HELZ: variants seen among roughly 807,000 people sequenced by gnomAD.
HELZ encodes ATP-dependent RNA helicase with zinc finger domain.
In HELZ, 23 loss-of-function variants were observed where a neutral mutation model predicts 218.2. That is an observed-to-expected ratio of 0.11 (90% confidence interval 0.08 to 0.15). The LOEUF (loss-of-function observed/expected upper bound fraction) is 0.15. Among genes scored for constraint, HELZ ranks in the 10% least tolerant of loss-of-function variants. The pLI is 1.00. For synonymous variants in HELZ, 814 were observed against 829.4 expected (o/e 0.98, Z 0.32); for missense variants, 1,813 against 2,353.7 (o/e 0.77, Z 4.75).
intron 15 of HELZ, among the ~76,000 whole-genome samples, chr17:67,164,486 T>C (rs2039081507): frequency 1.3e-5 from 2 of 152,098 alleles, no homozygotes; most frequent in African/African-American, 4.8e-5. Flanking sequence ...GATGGGTGTA[T>C]AGTATCAGTT....
chr17:67,238,978 C>T (rs779724880), intron 3 of HELZ, among the ~76,000 whole-genome samples: 14 of 152,140 alleles, frequency 9.2e-5, no homozygotes, highest in Admixed American at 8.5e-4. Context: ...GATATGTTCT[C>T]CATATTTAGA....
At chr17:67,126,323 T>A (rs1419930792) in intron 24 of HELZ, among the ~76,000 whole-genome samples, 3 of 152,108 alleles carry the variant, frequency 2.0e-5, no homozygotes, top group Non-Finnish European at 4.4e-5. Context: ...ACAATATATA[T>A]CAGCACTATG....
intron 32 of HELZ, among the ~76,000 whole-genome samples, chr17:67,085,786 C>T (rs187411182): frequency 5.3e-5 from 8 of 152,174 alleles, no homozygotes; most frequent in African/African-American, 1.9e-4. Context: ...TTAGAGAATT[C>T]AAGCAGTATA....
intron 32 of HELZ, among the ~76,000 whole-genome samples, chr17:67,084,390 C>T (rs1223526072): frequency 2.6e-5 from 4 of 151,950 alleles, no homozygotes; most frequent in Non-Finnish European, 5.9e-5. Flanking sequence ...AGGCCGGGCG[C>T]GGTGGCTCAC....
chr17:67,245,501 C>T, upstream of HELZ: 2 of 985,904 alleles, frequency 2.0e-6, no homozygotes, highest in Non-Finnish European at 2.4e-6. Flanking sequence ...CGCCCCGCGT[C>T]TGCATTGAAT....
chr17:67,074,489 T>C lies in HELZ; in HGVS notation c.*3763A>G, dbSNP rs1483989165. Reference sequence around the variant, plus strand: ...ATACTAAAATTTATCTTGAAATTGTTCTTCACACCCTGACTCTTAACAAAG... The same window carrying C: ...ATACTAAAATTTATCTTGAAATTGTCCTTCACACCCTGACTCTTAACAAAG... On this transcript the variant is annotated 3_prime_UTR_variant, in exon 33 of 33. Coordinates refer to ENST00000358691, the MANE Select transcript of HELZ (RefSeq NM_014877.4). The C allele has an allele frequency of 6.6e-6, 1 of 152,172 alleles. No individual in the cohort carries two copies. Among genetic ancestry groups the C allele is most frequent in the African/African-American group, 2.4e-5 (1 of 41,458 alleles). The allele number at this position is 152,172 out of a possible 1,614,324, so 9.4% of individuals were successfully genotyped here.
intron 13 of HELZ, 74 bp downstream of exon 13, chr17:67,178,585 C>T: frequency 1.6e-6 from 2 of 1,270,048 alleles, no homozygotes; most frequent in Non-Finnish European, 2.2e-6. Context: ...CTTAGGCACA[C>T]TTTCATTTTA....
chr17:67,245,622 C>G (rs1277273352), upstream of HELZ: 1 of 734,100 alleles, frequency 1.4e-6, no homozygotes, highest in Non-Finnish European at 1.7e-6. Flanking sequence ...CCAGGAAGCC[C>G]GCGAGCGGCC....
chr17:67,172,966 T>C, intron 13 of HELZ: 8 of 699,984 alleles, frequency 1.1e-5, no homozygotes, highest in Non-Finnish European at 1.4e-5. Flanking sequence ...CCAAAACACT[T>C]GATCACAATT....
intron 32 of HELZ, among the ~76,000 whole-genome samples, chr17:67,084,433 C>T (rs573704945): frequency 4.2e-4 from 64 of 152,096 alleles, no homozygotes; most frequent in East Asian, 3.9e-4. Flanking sequence ...GAGGCCGAGG[C>T]GGGCGGATCA....
intron 31 of HELZ, among the ~76,000 whole-genome samples, chr17:67,087,372 T>C (rs2036425918): frequency 6.6e-6 from 1 of 152,252 alleles, no homozygotes; most frequent in Non-Finnish European, 1.5e-5. Flanking sequence ...TTCTTATCTG[T>C]AGAATATGGG....
At chr17:67,129,393 C>G (rs1251254385) in intron 23 of HELZ, among the ~76,000 whole-genome samples, 10 of 151,916 alleles carry the variant, frequency 6.6e-5, no homozygotes, top group African/African-American at 2.4e-4. Flanking sequence ...TATACACACA[C>G]ATAGATACCA....
intron 27 of HELZ, among the ~76,000 whole-genome samples, chr17:67,119,757 CA>C (rs2037540883): frequency 2.6e-5 from 4 of 151,986 alleles, no homozygotes; most frequent in Admixed American, 2.6e-4. Flanking sequence ...TTCGAGTTAA[CA>C]AAAATGTTTA....
intron 7 of HELZ, among the ~76,000 whole-genome samples, chr17:67,200,373 A>G (rs1397420261): frequency 6.6e-6 from 1 of 152,062 alleles, no homozygotes; most frequent in Non-Finnish European, 1.5e-5. Context: ...CATACACATT[A>G]TTTCCATCTC....
intron 24 of HELZ, among the ~76,000 whole-genome samples, chr17:67,124,390 T>G (rs1350476730): frequency 6.6e-6 from 1 of 152,214 alleles, no homozygotes; most frequent in Non-Finnish European, 1.5e-5. Context: ...ACACAGAGGT[T>G]GTTTTTCAAA....
rs182802344 is a variant in HELZ at position 67,207,920 on chromosome 17, A to G, written c.248-4477T>C. ...GCTTCTTGGGAGGCTGACTGCTTGT[A>G]CCCAGGAGGCTGAAGTTGCAGTGAG... On this transcript the variant is annotated intron_variant, in intron 5 of 32. Coordinates refer to ENST00000358691, the MANE Select transcript of HELZ (RefSeq NM_014877.4). 1.7e-4 allele frequency among the ~76,000 whole-genome samples: 26 copies of G among 152,272 alleles called. No homozygotes were observed. In the East Asian group the frequency reaches 2.9e-3, roughly 17 times the overall value.
At chr17:67,230,832 T>A (rs947009671) in intron 3 of HELZ, among the ~76,000 whole-genome samples, 21 of 152,142 alleles carry the variant, frequency 1.4e-4, no homozygotes, top group African/African-American at 4.6e-4. Context: ...AATGCTGTAT[T>A]TTCAAATCAG....
At chr17:67,237,665 C>T (rs2041219413) in intron 3 of HELZ, among the ~76,000 whole-genome samples, 1 of 151,976 alleles carries the variant, frequency 6.6e-6, no homozygotes, top group South Asian at 2.1e-4. Flanking sequence ...AGCCAGAGTG[C>T]AAAAGGGAGG....
At chr17:67,125,442 G>A (rs1177657699) in intron 24 of HELZ, among the ~76,000 whole-genome samples, 4 of 150,198 alleles carry the variant, frequency 2.7e-5, no homozygotes, top group Non-Finnish European at 5.9e-5. Context: ...AGAAGCAGGA[G>A]CAATTAGAAG....
Sources: allele counts gnomAD v4.1 joint callset (sites outside exome capture counted in the v4.1 genomes callset), GRCh38; gene constraint gnomAD v4.1.1; transcripts MANE v1.5; gene names NCBI Gene and HGNC (gene_info 2026-07-23, HGNC 2026-07-21).